Variants in CAPN7 observed in about 807,000 individuals in gnomAD.
CAPN7 encodes calpain 7.
CAPN7 carries 72 observed loss-of-function variants against 115.2 expected under a neutral mutation model. That is an observed-to-expected ratio of 0.63 (90% confidence interval 0.52 to 0.76). The LOEUF (loss-of-function observed/expected upper bound fraction) is 0.76, where lower values mean the gene tolerates loss of function less well. CAPN7 is among the 30% of genes least tolerant of loss of function. The probability of loss-of-function intolerance (pLI) is 0.00; values close to 1 mark genes in which losing one functional copy is unlikely to be tolerated. For synonymous variants in CAPN7, 344 were observed against 322.3 expected (o/e 1.07, Z -0.72); for missense variants, 905 against 971.5 (o/e 0.93, Z 0.91).
intron 1 of CAPN7, among the ~76,000 whole-genome samples, chr3:15,208,759 A>G (rs756256994): frequency 2.0e-5 from 3 of 152,174 alleles, no homozygotes; most frequent in African/African-American, 4.8e-5. Flanking sequence ...CAGAATTGAT[A>G]AATCAAAGGG....
At chr3:15,232,751 T>C (rs1694768138) in intron 10 of CAPN7, 86 bp downstream of exon 10, 7 of 1,184,644 alleles carry the variant, frequency 5.9e-6, no homozygotes. Context: ...GATAGTCTTT[T>C]TGTTTATAGG....
In CAPN7 at chr3:15,251,157, G is replaced by A. The variant is rs1212442776; in HGVS notation, c.2339G>A (p.Gly780Glu). Residue 780 changes from glycine (G) to glutamate (E), a missense_variant, in exon 21 of 21, where the codon GGG (glycine) becomes GAG (glutamate). This residue lies in a region of CAPN7 where 620 missense variants were observed against 703.4 expected (regional missense o/e 0.88). Transcript: ENST00000253693. ...CYLELENIPS[G>E]IFNIIPSTFL... The stretch of plus-strand genomic sequence containing the variant: ...CTGGAATTAGAAAATATACCTTCTG[G>A]GATCTTCAATATCATTCCTAGTACC... 6.2e-7 allele frequency: 1 copy of A among 1,607,426 alleles called. No homozygotes were observed. The highest frequency in any genetic ancestry group is 8.5e-7 in the Non-Finnish European group (1 of 1,175,534).
intron 18 of CAPN7, chr3:15,247,114 A>G: frequency 1.8e-6 from 1 of 567,272 alleles, no homozygotes; most frequent in South Asian, 2.4e-5. Flanking sequence ...TTCCTGGTAG[A>G]AAGAACAACT....
At chr3:15,231,808 G>A (rs1694706901) in intron 9 of CAPN7, among the ~76,000 whole-genome samples, 2 of 152,226 alleles carry the variant, frequency 1.3e-5, no homozygotes, top group Admixed American at 1.3e-4. Flanking sequence ...GATTACAGGC[G>A]TGAGCCACCG....
intron 11 of CAPN7, 71 bp from the exon 12 acceptor site, chr3:15,234,954 A>G: frequency 7.1e-7 from 1 of 1,415,832 alleles, no homozygotes; most frequent in Non-Finnish European, 9.6e-7. Context: ...TTAGACTAAA[A>G]GATAAAATGG....
chr3:15,219,082 T>A (rs996044457), intron 4 of CAPN7, among the ~76,000 whole-genome samples: 1 of 152,202 alleles, frequency 6.6e-6, no homozygotes, highest in Admixed American at 6.5e-5. Context: ...TTTACTAGCT[T>A]ATTATATTTG....
At chr3:15,220,669 A>G in intron 4 of CAPN7, 112 bp from the exon 5 acceptor site, 1 of 812,862 alleles carries the variant, frequency 1.2e-6, no homozygotes, top group South Asian at 1.7e-5. Context: ...AATTTTATAT[A>G]CTAATTTTAC....
At chr3:15,225,378 A>G (rs1694252619) in intron 6 of CAPN7, among the ~76,000 whole-genome samples, 1 of 152,186 alleles carries the variant, frequency 6.6e-6, no homozygotes, top group Non-Finnish European at 1.5e-5. Flanking sequence ...TTATTCTGGT[A>G]TTTTCTTGAC....
rs144364900 is a variant in CAPN7, at chr3:15,247,337, A to G, written c.2084A>G (p.Lys695Arg). The G allele has an allele frequency of 1.9e-5, 30 of 1,565,232 alleles. 1 individual carries two copies. The African/African-American group carries it at 2.7e-4, about 14-fold the overall frequency. Residue 695 changes from lysine (K) to arginine (R), a missense_variant, in exon 19 of 21, where the codon AAG becomes AGG. Lys to Arg is a conservative substitution (Grantham distance 26). Around this residue, in one of 3 missense-constraint regions of CAPN7, gnomAD observed 620 missense variants for 703.4 expected, o/e 0.88. Transcript: ENST00000253693. ...PYTLSKRINGKWSGQSAGGCG... is the reference protein window; with the variant it reads ...PYTLSKRINGRWSGQSAGGCG... The stretch of plus-strand genomic sequence containing the variant: ...TTTTGTTTTTATTAGATTAATGGAA[A>G]GTGGAGTGGTCAGAGTGCTGGAGGA...
chr3:15,211,129 G>A (rs552861914), intron 1 of CAPN7, among the ~76,000 whole-genome samples: 11 of 152,168 alleles, frequency 7.2e-5, no homozygotes, highest in Non-Finnish European at 1.2e-4. Flanking sequence ...GCTTTAAAAT[G>A]TGTCATCCTT....
At position 15,220,834 on chromosome 3, in the gene CAPN7, C is replaced by G; in HGVS notation, c.491C>G (p.Thr164Arg). The G allele has an allele frequency of 6.2e-7, 1 of 1,614,174 alleles. No individual in the cohort carries two copies. Among genetic ancestry groups the G allele is most frequent in the Non-Finnish European group, 8.5e-7 (1 of 1,180,024 alleles). The change falls in exon 5 of 21, where the codon ACA (threonine) becomes AGA (arginine). Residue 164 changes from threonine (T) to arginine (R), a missense_variant. This residue lies in a region of CAPN7 where 271 missense variants were observed against 239.6 expected (regional missense o/e 1.13). Coordinates refer to ENST00000253693, the MANE Select transcript of CAPN7 (RefSeq NM_014296.3). Reference sequence around the variant, plus strand: ...AAGCCAGTTGGCAAAATCAGTTCAACAAGTGTTAAGCCAAAGCCACCTCCA... The same window carrying G: ...AAGCCAGTTGGCAAAATCAGTTCAAGAAGTGTTAAGCCAAAGCCACCTCCA... ...LTKPVGKISSTSVKPKPPPVR... is the reference protein window; with the variant it reads ...LTKPVGKISSRSVKPKPPPVR...
intron 17 of CAPN7, 172 bp downstream of exon 17, chr3:15,245,843 A>G: frequency 2.0e-6 from 1 of 509,402 alleles, no homozygotes; most frequent in Non-Finnish European, 3.3e-6. Flanking sequence ...AAAATAATAC[A>G]TTTGAAAAGA....
intron 8 of CAPN7, among the ~76,000 whole-genome samples, 198 bp downstream of exon 8, chr3:15,229,257 A>G (rs1694522062): frequency 6.6e-6 from 1 of 152,222 alleles, no homozygotes; most frequent in Non-Finnish European, 1.5e-5. Flanking sequence ...CGTAGTTAAT[A>G]TATATGAAAT....
intron 1 of CAPN7, chr3:15,210,792 A>G (rs2044896524): frequency 1.3e-5 from 17 of 1,289,360 alleles, no homozygotes; most frequent in Non-Finnish European, 1.7e-5. Context: ...ACTTTTCTTA[A>G]TTTTGTTAGG....
At position 15,221,882 on chromosome 3, in the gene CAPN7, G is replaced by A. The variant is rs181141801; in HGVS notation, c.638+901G>A. On this transcript the variant is annotated intron_variant, in intron 5 of 20. Coordinates refer to ENST00000253693, the MANE Select transcript of CAPN7 (RefSeq NM_014296.3). ...TACTTGGGAGGATCACTTGAGCCCAGGAGGTGGAGGTTGCAAAGCCGAGAT... is the reference window on the plus strand; with the variant it reads ...TACTTGGGAGGATCACTTGAGCCCAAGAGGTGGAGGTTGCAAAGCCGAGAT... 2.1e-3 allele frequency among the ~76,000 whole-genome samples: 325 copies of A among 152,016 alleles called. 2 individuals are homozygous for A. Among genetic ancestry groups the A allele is most frequent in the Middle Eastern group, 0.02 (6 of 294 alleles).
At chr3:15,241,227 A>G (rs1341694201) in intron 14 of CAPN7, among the ~76,000 whole-genome samples, 1 of 152,094 alleles carries the variant, frequency 6.6e-6, no homozygotes, top group African/African-American at 2.4e-5. Flanking sequence ...AAATAACGGA[A>G]TGGTTAATTT....
chr3:15,240,540 A>G lies in CAPN7; in HGVS notation c.1475A>G (p.Asn492Ser), dbSNP rs1231165039. The change falls in exon 13 of 21, where the codon AAT (asparagine) becomes AGT (serine). Residue 492 changes from asparagine (N) to serine (S), a missense_variant. By Grantham distance (46) the Asn-to-Ser change is conservative. This residue lies in a region of CAPN7 where 620 missense variants were observed against 703.4 expected (regional missense o/e 0.88). Coordinates refer to ENST00000253693, the MANE Select transcript of CAPN7 (RefSeq NM_014296.3). ...CGTTGGAAAGGAAGATACAGTGAAAATGATGTAAAAAACTGGACTCCAGAG... is the reference window on the plus strand; with the variant it reads ...CGTTGGAAAGGAAGATACAGTGAAAGTGATGTAAAAAACTGGACTCCAGAG... ...HLRWKGRYSE[N>S]DVKNWTPELQ... 23 of 1,613,438 alleles carry G rather than the reference A, an allele frequency of 1.4e-5. No homozygotes were observed. The highest frequency in any genetic ancestry group is 1.9e-5 in the Non-Finnish European group (22 of 1,179,778).
intron 9 of CAPN7, among the ~76,000 whole-genome samples, chr3:15,231,336 G>T (rs1410530526): frequency 1.3e-5 from 2 of 152,266 alleles, no homozygotes; most frequent in East Asian, 1.9e-4. Context: ...AAGATTCCAG[G>T]TGATGCTGAT....
chr3:15,242,993 C>G (rs181129093), intron 16 of CAPN7, among the ~76,000 whole-genome samples: 1 of 152,066 alleles, frequency 6.6e-6, no homozygotes, highest in Non-Finnish European at 1.5e-5. Context: ...AGCAAAATAT[C>G]AAGTACTGAT....
Sources: allele counts gnomAD v4.1 joint callset (sites outside exome capture counted in the v4.1 genomes callset), GRCh38; gene constraint gnomAD v4.1.1; regional missense constraint gnomAD v4.1.1; transcripts MANE v1.5; gene names NCBI Gene and HGNC (gene_info 2026-07-23, HGNC 2026-07-21).